Variants in UTP20 observed in about 807,000 individuals in gnomAD.
UTP20 encodes small subunit processome component 20 homolog.
In UTP20, 164 loss-of-function variants were observed where a neutral mutation model predicts 329.5. The observed-to-expected ratio is 0.50, with a 90% CI of 0.44 to 0.57. The LOEUF is 0.57. Among genes scored for constraint, UTP20 ranks in the 20% least tolerant of loss-of-function variants. UTP20 has a pLI of 0.00. For synonymous variants in UTP20, 1,151 were observed against 1,159.3 expected, an observed-to-expected ratio of 0.99 and a Z score of 0.14; for missense variants, 3,055 against 3,284.2, an observed-to-expected ratio of 0.93 and a Z score of 1.71.
At position 101,285,589 on chromosome 12, in the gene UTP20, T is replaced by G. The variant is rs199984180; in HGVS notation, c.146T>G (p.Phe49Cys). 6.2e-7 allele frequency: 1 copy of G among 1,613,840 alleles called. No individual in the cohort carries two copies. The highest frequency in any genetic ancestry group is 1.1e-5 in the South Asian group (1 of 91,070). ...SYEEEVETYFFEGLLKWRELN... is the reference protein window; with the variant it reads ...SYEEEVETYFCEGLLKWRELN... Reference sequence around the variant, plus strand: ...TGACAGGAGGTTGAAACCTACTTTTTTGAGGGTCTGCTGAAATGGAGAGAA... The same window carrying G: ...TGACAGGAGGTTGAAACCTACTTTTGTGAGGGTCTGCTGAAATGGAGAGAA... Residue 49 changes from phenylalanine to cysteine, a missense_variant, in exon 3 of 62, where the codon TTT (phenylalanine) becomes TGT (cysteine). By Grantham distance (205) the Phe-to-Cys change is radical. This residue lies in a region of UTP20 where 2,445 missense variants were observed against 2,575.5 expected (regional missense o/e 0.95). Coordinates refer to ENST00000261637, the MANE Select transcript of UTP20 (RefSeq NM_014503.3).
chr12:101,345,820 T>C, intron 37 of UTP20, 126 bp downstream of exon 37: 1 of 848,108 alleles, frequency 1.2e-6, no homozygotes, highest in Non-Finnish European at 1.8e-6. Context: ...CCTTGGTCTT[T>C]ATGATCATCA....
intron 2 of UTP20, 34 bp downstream of exon 2, chr12:101,281,230 G>GTGCCACCACACCCAGCTAATTTTTGCATT: frequency 6.4e-7 from 1 of 1,553,846 alleles, no homozygotes; most frequent in Non-Finnish European, 8.8e-7. Context: ...ATCTTCAAGT[G>GTGCCACCACACCCAGCTAATTTTTGCATT]TTCATGGTGT....
Position 101,345,599 on chromosome 12 carries a change from A to T in UTP20, c.4651A>T (p.Thr1551Ser). The change falls in exon 37 of 62, where the codon ACC becomes TCC. Residue 1551 changes from threonine (T) to serine (S), a missense_variant. Thr to Ser is a moderately conservative substitution (Grantham distance 58). This residue lies in a region of UTP20 where 2,445 missense variants were observed against 2,575.5 expected (regional missense o/e 0.95). Coordinates refer to ENST00000261637, the MANE Select transcript of UTP20 (RefSeq NM_014503.3). Reference protein sequence around the residue: ...YTTILSCLIQTFPNQLEFKDL... With the variant: ...YTTILSCLIQSFPNQLEFKDL... ...CACAATACTTTCCTGTTTAATTCAA[A>T]CCTTTCCAAACCAACTGGAATTCAA... 1.2e-6 allele frequency: 2 copies of T among 1,610,042 alleles called. No homozygotes were observed. Among genetic ancestry groups the T allele is most frequent in the East Asian group, 2.2e-5 (1 of 44,784 alleles).
At chr12:101,323,058 T>G (rs903152162) in intron 25 of UTP20, among the ~76,000 whole-genome samples, 3 of 152,184 alleles carry the variant, frequency 2.0e-5, no homozygotes, top group Non-Finnish European at 4.4e-5. Context: ...AACATCTAAA[T>G]AATACACCCA....
chr12:101,339,177 G>A (rs1176726889), intron 31 of UTP20, among the ~76,000 whole-genome samples: 1 of 152,140 alleles, frequency 6.6e-6, no homozygotes, highest in Non-Finnish European at 1.5e-5. Flanking sequence ...GCTGGGCGTG[G>A]TGGTGGACAC....
intron 4 of UTP20, 72 bp from the exon 5 acceptor site, chr12:101,286,249 C>A (rs1871956918): frequency 1.5e-6 from 2 of 1,339,612 alleles, no homozygotes; most frequent in Admixed American, 2.3e-5. Context: ...CATAGGCCAC[C>A]TACTATCGTT....
In UTP20 at chr12:101,321,495, T is replaced by G; in HGVS notation, c.2916-9T>G. 1 of 1,612,002 alleles carries G rather than the reference T, an allele frequency of 6.2e-7. No individual in the cohort carries two copies. The highest frequency in any genetic ancestry group is 8.5e-7 in the Non-Finnish European group (1 of 1,178,938). ...AAGTGGTGATTTGTGCTGTTCTCTGTTTTTAAAGGGAAAACTTACAAAGGT... is the reference window on the plus strand; with the variant it reads ...AAGTGGTGATTTGTGCTGTTCTCTGGTTTTAAAGGGAAAACTTACAAAGGT... On this transcript the variant is annotated splice_polypyrimidine_tract_variant and intron_variant, in intron 24 of 61. Coordinates refer to ENST00000261637, the MANE Select transcript of UTP20 (RefSeq NM_014503.3).
In UTP20 at chr12:101,367,954, G is replaced by GC. The variant is rs1057290577; in HGVS notation, c.6364dup (p.Leu2122ProfsTer80). ...CCTTTTGTGTCTCTCCTCATAGACT[G>GC]CCTGGGCTCCATGGATGTGAAGGTA... On this transcript the variant is annotated frameshift_variant, in exon 48 of 62. Coordinates refer to ENST00000261637, the MANE Select transcript of UTP20 (RefSeq NM_014503.3). LOFTEE classifies it high-confidence loss of function. The GC allele has an allele frequency of 7.4e-6, 12 of 1,612,958 alleles. No homozygotes were observed. The highest frequency in any genetic ancestry group is 1.0e-5 in the Non-Finnish European group (12 of 1,179,172).
intron 5 of UTP20, among the ~76,000 whole-genome samples, chr12:101,287,195 A>T (rs1052289558): frequency 6.6e-6 from 1 of 152,200 alleles, no homozygotes; most frequent in Non-Finnish European, 1.5e-5. Context: ...TATGCATGGT[A>T]TGGGACAATA....
In UTP20 at chr12:101,369,823, C is replaced by T; in HGVS notation, c.6487C>T (p.Leu2163=). The T allele has an allele frequency of 6.2e-7, 1 of 1,614,048 alleles. No individual in the cohort carries two copies. Residue 2163 remains leucine, a synonymous_variant, in exon 49 of 62, where the codon CTG becomes TTG. Transcript: ENST00000261637. ...EQLTKHLFLL[L]KDYAKLGAAR... ...GCTGACAAAACACCTCTTCCTTCTG[C>T]TGAAGGACTATGCAAAGCTCGGGGC...
chr12:101,351,032 G>T (rs1215377833), intron 38 of UTP20, among the ~76,000 whole-genome samples: 1 of 152,082 alleles, frequency 6.6e-6, no homozygotes, highest in Admixed American at 6.6e-5. Context: ...TAAATTGGGG[G>T]TAATTAATAA....
chr12:101,380,585 G>A (rs10860718), intron 57 of UTP20, among the ~76,000 whole-genome samples: 42,275 of 151,818 alleles, frequency 0.28, 6,617 homozygotes, highest in Non-Finnish European at 0.36. Context: ...AGGATTGGCC[G>A]GGTGTGGTGG....
chr12:101,342,369 G>A, intron 32 of UTP20, 77 bp from the exon 33 acceptor site: 1 of 1,160,562 alleles, frequency 8.6e-7, no homozygotes, highest in Non-Finnish European at 1.2e-6. Context: ...TGTTTTCTAT[G>A]CTATAATATA....
chr12:101,345,817 C>A, intron 37 of UTP20, 123 bp downstream of exon 37: 2 of 867,048 alleles, frequency 2.3e-6, no homozygotes, highest in Non-Finnish European at 3.4e-6. Flanking sequence ...TTTCCTTGGT[C>A]TTTATGATCA....
In UTP20 at chr12:101,311,762, T is replaced by C; in HGVS notation, c.2275T>C (p.Tyr759His). The C allele has an allele frequency of 1.2e-6, 2 of 1,613,526 alleles. No homozygotes were observed. The highest frequency in any genetic ancestry group is 8.5e-7 in the Non-Finnish European group (1 of 1,179,898). Reference protein sequence around the residue: ...EMENKQFWKVYYEHLEKAATH... With the variant: ...EMENKQFWKVHYEHLEKAATH... ...GGAAAATAAGCAATTTTGGAAAGTC[T>C]ACTATGAGCATCTAGAAAAAGCAGC... The change falls in exon 20 of 62, where the codon TAC (tyrosine) becomes CAC (histidine). Residue 759 changes from tyrosine to histidine, a missense_variant. By Grantham distance (83) the Tyr-to-His change is moderately conservative. Around this residue, in one of 3 missense-constraint regions of UTP20, gnomAD observed 2,445 missense variants for 2,575.5 expected, o/e 0.95. Transcript: ENST00000261637.
chr12:101,342,398 A>G, intron 32 of UTP20, 48 bp from the exon 33 acceptor site: 1 of 1,465,740 alleles, frequency 6.8e-7, no homozygotes. Context: ...TAAGTTGACC[A>G]GTTTATAACT....
At chr12:101,349,675 A>C (rs1869452231) in intron 38 of UTP20, among the ~76,000 whole-genome samples, 1 of 152,148 alleles carries the variant, frequency 6.6e-6, no homozygotes, top group Non-Finnish European at 1.5e-5. Flanking sequence ...TCCTGACCTC[A>C]AGTGATCCAC....
chr12:101,321,519 G>A lies in UTP20; in HGVS notation c.2931G>A (p.Arg977=). 1.2e-6 allele frequency: 2 copies of A among 1,613,156 alleles called. No homozygotes were observed. The highest frequency in any genetic ancestry group is 1.7e-6 in the Non-Finnish European group (2 of 1,179,562). ...HVLPYRENLQ[R]LLEDRSFKEE... ...GTTTTTAAAGGGAAAACTTACAAAG[G>A]TTGCTTGAAGACAGAAGCTTTAAGG... The change falls in exon 25 of 62, where the codon AGG becomes AGA. Residue 977 remains arginine, a synonymous_variant. Transcript: ENST00000261637.
At position 101,296,726 on chromosome 12, in the gene UTP20, C is replaced by T. The variant is rs146429305; in HGVS notation, c.1430+1068C>T. Reference sequence around the variant, plus strand: ...TCATGCCACTGCACTCCAGCCTGGGCGACAGAGCAAGACTCTATCTCAAAA... The same window carrying T: ...TCATGCCACTGCACTCCAGCCTGGGTGACAGAGCAAGACTCTATCTCAAAA... On this transcript the variant is annotated intron_variant, in intron 12 of 61. Coordinates refer to ENST00000261637, the MANE Select transcript of UTP20 (RefSeq NM_014503.3). 8.0e-3 allele frequency among the ~76,000 whole-genome samples: 1,219 copies of T among 151,718 alleles called. 15 individuals carry two copies. The highest frequency in any genetic ancestry group is 0.028 in the African/African-American group (1,166 of 41,396).
Sources: gnomAD v4.1 joint callset for allele counts (sites outside exome capture counted in the v4.1 genomes callset) on GRCh38, gnomAD v4.1.1 for gene constraint, gnomAD v4.1.1 regional missense constraint, MANE v1.5 for transcripts, NCBI Gene and HGNC (gene_info 2026-07-23, HGNC 2026-07-21) for gene names.